MARCHF1: variants seen among roughly 807,000 people sequenced by gnomAD.
MARCHF1 encodes the protein membrane associated ring-CH-type finger 1, also known as E3 ubiquitin-protein ligase MARCHF1.
In MARCHF1, 40 loss-of-function variants were observed where a neutral mutation model predicts 54.2. The observed-to-expected ratio is 0.74, with a 90% CI of 0.57 to 0.96. MARCHF1 has a LOEUF of 0.96. Among genes scored for constraint, MARCHF1 ranks in the 40% least tolerant of loss-of-function variants. The pLI is 0.00. For missense variants in MARCHF1, 586 were observed against 656.5 expected (o/e 0.89, Z 1.17); for synonymous variants, 236 against 236.3 (o/e 1.00, Z 0.01).
intron 9 of MARCHF1, among the ~76,000 whole-genome samples, chr4:163,531,307 G>T (rs918554604): frequency 6.6e-6 from 1 of 151,866 alleles, no homozygotes; most frequent in African/African-American, 2.4e-5. Context: ...TTTATTCTAG[G>T]TATGCAAAGT....
At chr4:164,198,983 T>C (rs1731361963) in intron 1 of MARCHF1, among the ~76,000 whole-genome samples, 1 of 152,182 alleles carries the variant, frequency 6.6e-6, no homozygotes, top group Non-Finnish European at 1.5e-5. Context: ...GAGCAAAAGA[T>C]TCAAATAAAA....
intron 1 of MARCHF1, among the ~76,000 whole-genome samples, chr4:164,293,136 T>TA (rs774804831): frequency 9.2e-5 from 14 of 152,196 alleles, no homozygotes; most frequent in Non-Finnish European, 1.9e-4. Context: ...TAGTAATTGT[T>TA]AAATTAAATT....
At chr4:163,709,976 G>A (rs1298384227) in intron 4 of MARCHF1, among the ~76,000 whole-genome samples, 2 of 152,122 alleles carry the variant, frequency 1.3e-5, no homozygotes, top group African/African-American at 2.4e-5. Context: ...TTGCTTGTAA[G>A]TTGCCACATT....
intron 9 of MARCHF1, among the ~76,000 whole-genome samples, chr4:163,538,143 G>C (rs1052233177): frequency 2.6e-5 from 4 of 152,238 alleles, no homozygotes; most frequent in Admixed American, 2.6e-4. Context: ...TAAAGAGCGA[G>C]TGAAAACACT....
rs563127360 is a variant in MARCHF1 at position 164,166,108 on chromosome 4, A to G, written c.-322-54446T>C. Among the ~76,000 whole-genome samples, 231 of 152,108 alleles carry G rather than the reference A, an allele frequency of 1.5e-3. 1 individual carries two copies. The highest frequency in any genetic ancestry group is 3.2e-3 in the Admixed American group (48 of 15,228). The stretch of plus-strand genomic sequence containing the variant: ...TTTAACAAGACACACTCCCACTGGA[A>G]TTTGGGATAAGAAATTCAAATAACT... On this transcript the variant is annotated intron_variant, in intron 1 of 9. Transcript: ENST00000514618.
rs551017097 is a variant in MARCHF1, at chr4:164,362,091, A to G, written c.-323+21779T>C. Among the ~76,000 whole-genome samples the G allele has an allele frequency of 7.9e-5, 12 of 152,202 alleles. No homozygotes were observed. The South Asian group carries it at 2.3e-3, about 29-fold the overall frequency. On this transcript the variant is annotated intron_variant, in intron 1 of 9. Coordinates refer to ENST00000514618, the MANE Select transcript of MARCHF1 (RefSeq NM_001394959.1). ...CAAATGGTTTTATCACAAAAAATGT[A>G]GTTTAAATTTAAGTATGACTGGGGT...
chr4:164,197,221 T>C lies in MARCHF1; in HGVS notation c.-322-85559A>G, dbSNP rs758624016. 3 of 1,610,418 alleles carry C rather than the reference T, an allele frequency of 1.9e-6. No homozygotes were observed. The Admixed American group carries it at 5.0e-5, about 27-fold the overall frequency. ...CTCATGCTCACCCTCCTCCTCGTCA[T>C]CCAGGCCCTCCACGTGGTCCTCAAT... On this transcript the variant is annotated intron_variant, in intron 1 of 9. Coordinates refer to ENST00000514618, the MANE Select transcript of MARCHF1 (RefSeq NM_001394959.1).
intron 1 of MARCHF1, among the ~76,000 whole-genome samples, chr4:164,260,458 T>C (rs1325071079): frequency 6.6e-6 from 1 of 151,880 alleles, no homozygotes; most frequent in Non-Finnish European, 1.5e-5. Flanking sequence ...AACTCTCTCT[T>C]TTCTGTCTCT....
chr4:163,965,190 C>G (rs1007076798), intron 3 of MARCHF1, among the ~76,000 whole-genome samples: 1 of 151,952 alleles, frequency 6.6e-6, no homozygotes. Context: ...TCCAGGTACA[C>G]ACAAACTGGT....
At chr4:164,136,436 A>G (rs1384481002) in intron 1 of MARCHF1, among the ~76,000 whole-genome samples, 1 of 152,068 alleles carries the variant, frequency 6.6e-6, no homozygotes, top group African/African-American at 2.4e-5. Context: ...AGAGTGAGTG[A>G]GTAACCCAGC....
chr4:164,210,289 T>C (rs1731728334), intron 1 of MARCHF1, among the ~76,000 whole-genome samples: 2 of 152,100 alleles, frequency 1.3e-5, no homozygotes, highest in Admixed American at 1.3e-4. Flanking sequence ...GAAGAACATT[T>C]TAGAGGTAAA....
At chr4:163,752,789 A>C (rs1045210282) in intron 4 of MARCHF1, among the ~76,000 whole-genome samples, 10 of 152,200 alleles carry the variant, frequency 6.6e-5, no homozygotes, top group Non-Finnish European at 1.0e-4. Context: ...TATAAAATAG[A>C]ATCCAAATTC....
intron 2 of MARCHF1, among the ~76,000 whole-genome samples, chr4:164,100,486 A>G (rs893606251): frequency 6.6e-6 from 1 of 152,230 alleles, no homozygotes; most frequent in Non-Finnish European, 1.5e-5. Flanking sequence ...TTCTGGTGAT[A>G]AGTAGAATTG....
intron 2 of MARCHF1, among the ~76,000 whole-genome samples, chr4:164,109,717 T>C (rs1468363252): frequency 6.6e-6 from 1 of 151,578 alleles, no homozygotes; most frequent in East Asian, 1.9e-4. Context: ...AAATCGTTCC[T>C]GGATTTTACT....
chr4:163,692,863 C>T (rs1744507407), intron 5 of MARCHF1, among the ~76,000 whole-genome samples: 4 of 151,116 alleles, frequency 2.6e-5, no homozygotes, highest in Non-Finnish European at 4.4e-5. Flanking sequence ...CTGTTGTGTG[C>T]GGTATGTAAT....
intron 3 of MARCHF1, among the ~76,000 whole-genome samples, chr4:163,878,166 A>G (rs1750333921): frequency 6.6e-6 from 1 of 152,034 alleles, no homozygotes; most frequent in Non-Finnish European, 1.5e-5. Flanking sequence ...AGTTACACAC[A>G]CTTTTGACAG....
chr4:164,037,293 A>T (rs1754026130), intron 2 of MARCHF1, among the ~76,000 whole-genome samples: 1 of 152,220 alleles, frequency 6.6e-6, no homozygotes, highest in Admixed American at 6.5e-5. Context: ...ATTTAAAGTC[A>T]TGCCACTAGC....
intron 5 of MARCHF1, among the ~76,000 whole-genome samples, chr4:163,660,278 T>A (rs1743299809): frequency 6.6e-6 from 1 of 152,006 alleles, no homozygotes; most frequent in Admixed American, 6.6e-5. Flanking sequence ...GTGGAAGCCA[T>A]TATTCTCAGC....
chr4:163,644,540 T>C (rs1742680168), intron 5 of MARCHF1, among the ~76,000 whole-genome samples: 1 of 152,116 alleles, frequency 6.6e-6, no homozygotes, highest in African/African-American at 2.4e-5. Flanking sequence ...TTGCCAACCT[T>C]GGTCCCACAG....
Sources: allele counts gnomAD v4.1 joint callset (sites outside exome capture counted in the v4.1 genomes callset), GRCh38; gene constraint gnomAD v4.1.1; transcripts MANE v1.5; gene names NCBI Gene and HGNC (gene_info 2026-07-23, HGNC 2026-07-21).